Variants in KAZN observed in about 807,000 individuals in gnomAD.
The protein encoded by KAZN is kazrin, periplakin interacting protein, also known as kazrin.
Under a neutral mutation model 87.4 loss-of-function variants are expected in KAZN, and 40 were observed. The observed-to-expected ratio is 0.46, with a 90% CI of 0.36 to 0.60. The LOEUF (loss-of-function observed/expected upper bound fraction) is 0.60. Ranked by LOEUF, KAZN falls within the 20% of genes least tolerant of loss-of-function variation. The probability of loss-of-function intolerance (pLI) is 0.00; values close to 1 mark genes in which losing one functional copy is unlikely to be tolerated. For synonymous variants in KAZN, 466 were observed against 458.3 expected, an observed-to-expected ratio of 1.02 and a Z score of -0.22; for missense variants, 898 against 1,073.9, an observed-to-expected ratio of 0.84 and a Z score of 2.29.
At position 14,141,235 on chromosome 1, in the gene KAZN, T is replaced by TAA. The variant is rs1557509230; in HGVS notation, c.92-39200_92-39199insAA. On this transcript the variant is annotated intron_variant, in intron 1 of 16. Coordinates refer to the KAZN transcript ENST00000636203. ...ATGACACTGTTGAAGTGATTACCAT[T>TAA]TAAAAAAAAAAAAAAAAACAAAACT... Among the ~76,000 whole-genome samples the TAA allele has an allele frequency of 6.0e-5, 2 of 33,140 alleles. 1 individual carries two copies. The highest frequency in any genetic ancestry group is 9.3e-5 in the Non-Finnish European group (2 of 21,616). 21.7% of individuals were successfully genotyped at this position (33,140 alleles called of 152,430 possible).
chr1:14,398,138 T>C (rs1021107387), intron 2 of KAZN, among the ~76,000 whole-genome samples: 6 of 152,184 alleles, frequency 3.9e-5, no homozygotes, highest in Non-Finnish European at 7.3e-5. Context: ...AAAACTAATA[T>C]AGTCATGAGT....
Position 14,917,869 on chromosome 1 carries a change from C to CCTTT in KAZN, c.227-42794_227-42791dup, listed in dbSNP as rs3034788. On this transcript the variant is annotated intron_variant, in intron 1 of 14. Transcript: ENST00000376030. ...TTCTTTCTTCCTTCCTTCCTTCCTT[C>CCTTT]CTTTCTTTCTTTCTTTCTTTCTTTT... Among the ~76,000 whole-genome samples the CCTTT allele has an allele frequency of 6.1e-3, 904 of 147,452 alleles. 5 individuals carry two copies. Among genetic ancestry groups the CCTTT allele is most frequent in the African/African-American group, 8.3e-3 (314 of 37,820 alleles).
At chr1:14,888,432 C>A (rs1415762777) in intron 1 of KAZN, among the ~76,000 whole-genome samples, 1 of 152,204 alleles carries the variant, frequency 6.6e-6, no homozygotes, top group African/African-American at 2.4e-5. Context: ...AGGCTCCAAT[C>A]AGCCCTCTAC....
At chr1:14,378,586 G>A (rs1184432371) in intron 2 of KAZN, among the ~76,000 whole-genome samples, 1 of 152,204 alleles carries the variant, frequency 6.6e-6, no homozygotes, top group African/African-American at 2.4e-5. Context: ...ATGAGAGGGT[G>A]AGTGCAGCAA....
In KAZN at chr1:14,235,055, C is replaced by T. The variant is rs866667980; in HGVS notation, c.249+54463C>T. 9.9e-5 allele frequency among the ~76,000 whole-genome samples: 15 copies of T among 152,174 alleles called. No individual in the cohort carries two copies. The East Asian group carries it at 1.7e-3, about 18-fold the overall frequency. On this transcript the variant is annotated intron_variant, in intron 2 of 16. Transcript: ENST00000636203. The stretch of plus-strand genomic sequence containing the variant: ...ACACATACATATCCCCAAAGAATTG[C>T]GGTGTATATCCGTGTGAAAACTTAT...
chr1:14,112,425 GCCACTGTGGGTTGTCAAC>G lies in KAZN; in HGVS notation c.92-68009_92-67992del, dbSNP rs1644519705. On this transcript the variant is annotated intron_variant, in intron 1 of 16. Coordinates refer to the KAZN transcript ENST00000636203. ...CCTGCATCCCTCCCACTCCTCTTTG[GCCACTGTGGGTTGTCAAC>G]AGTCTTGATTCCAAGAAGTGATGTC... Among the ~76,000 whole-genome samples, 4 of 77,792 alleles carry G rather than the reference GCCACTGTGGGTTGTCAAC, an allele frequency of 5.1e-5. 1 individual carries two copies. Among genetic ancestry groups the G allele is most frequent in the South Asian group, 4.4e-4 (1 of 2,292 alleles). The allele number at this position is 77,792 out of a possible 152,430, so 51.0% of individuals were successfully genotyped here.
chr1:14,499,554 G>T (rs936643330), intron 2 of KAZN, among the ~76,000 whole-genome samples: 1 of 152,152 alleles, frequency 6.6e-6, no homozygotes, highest in Non-Finnish European at 1.5e-5. Flanking sequence ...TCTCATTATC[G>T]ATTGTTCTGC....
intron 1 of KAZN, among the ~76,000 whole-genome samples, chr1:13,942,312 G>A (rs934761771): frequency 2.0e-5 from 3 of 151,404 alleles, no homozygotes; most frequent in Admixed American, 1.3e-4. Context: ...AGGCCGAGGC[G>A]GGTGGATCAT....
chr1:14,653,185 T>C (rs938498155), intron 1 of KAZN, among the ~76,000 whole-genome samples: 2 of 152,162 alleles, frequency 1.3e-5, no homozygotes, highest in Admixed American at 6.5e-5. Context: ...TGTGAAAAAA[T>C]TCTTCTCTGG....
intron 1 of KAZN, among the ~76,000 whole-genome samples, chr1:14,865,623 G>A (rs528137363): frequency 3.3e-5 from 5 of 152,202 alleles, no homozygotes; most frequent in South Asian, 4.2e-4. Flanking sequence ...TCCCTTCTAC[G>A]ACCACCCTCC....
intron 1 of KAZN, among the ~76,000 whole-genome samples, chr1:14,772,870 C>T (rs1299581649): frequency 6.6e-6 from 1 of 152,088 alleles, no homozygotes; most frequent in Non-Finnish European, 1.5e-5. Flanking sequence ...GAGAATTTTC[C>T]CCCAGAATTT....
intron 2 of KAZN, among the ~76,000 whole-genome samples, chr1:14,527,549 C>CAA (rs34649606): frequency 0.028 from 3,065 of 108,774 alleles, 81 homozygotes; most frequent in South Asian, 0.096. Context: ...ACTCTGTCTC[C>CAA]AAAAAAAAAA....
chr1:14,497,141 G>T (rs12031064), intron 2 of KAZN, among the ~76,000 whole-genome samples: 2 of 151,850 alleles, frequency 1.3e-5, no homozygotes, highest in Non-Finnish European at 2.9e-5. Context: ...AAACCCATAC[G>T]CCTTATTCTC....
chr1:14,466,115 C>G (rs1263553725), intron 2 of KAZN, among the ~76,000 whole-genome samples: 1 of 152,098 alleles, frequency 6.6e-6, no homozygotes, highest in Non-Finnish European at 1.5e-5. Context: ...CATGGTGTCA[C>G]CTAACAACAT....
intron 1 of KAZN, among the ~76,000 whole-genome samples, chr1:14,670,941 G>A (rs978404026): frequency 6.6e-6 from 1 of 152,226 alleles, no homozygotes; most frequent in Non-Finnish European, 1.5e-5. Context: ...GGAGGGTGGG[G>A]AAAATTCTAC....
chr1:14,189,468 T>C (rs1006839128), intron 2 of KAZN, among the ~76,000 whole-genome samples: 6 of 152,186 alleles, frequency 3.9e-5, no homozygotes, highest in Admixed American at 1.3e-4. Context: ...CTATACTTCC[T>C]GTAAGTCTAT....
At chr1:14,129,683 T>C (rs1390478074) in intron 1 of KAZN, among the ~76,000 whole-genome samples, 2 of 152,146 alleles carry the variant, frequency 1.3e-5, no homozygotes, top group African/African-American at 4.8e-5. Context: ...GTTACACTTG[T>C]CCATTGTCCA....
rs551288379 is a variant in KAZN, at chr1:14,180,573, A to G, written c.230A>G (p.His77Arg). 4.5e-6 allele frequency: 7 copies of G among 1,549,934 alleles called. No homozygotes were observed. The African/African-American group carries it at 9.6e-5, about 21-fold the overall frequency. Residue 77 changes from histidine to arginine, a missense_variant, in exon 2 of 17, where the codon CAC (histidine) becomes CGC (arginine). By Grantham distance (29) the His-to-Arg change is conservative (BLOSUM62 0). Coordinates refer to the KAZN transcript ENST00000636203. ...AAGAGTTCCATGATATTGATGAGGC[A>G]CCTCTTAATGGATGCTCAGGTACAA...
intron 2 of KAZN, among the ~76,000 whole-genome samples, chr1:14,971,187 C>A (rs185811748): frequency 3.5e-4 from 53 of 152,302 alleles, no homozygotes; most frequent in African/African-American, 1.3e-3. Context: ...ATCATGAGGT[C>A]AGGAGTTTGA....
Sources: gnomAD v4.1 joint callset for allele counts (sites outside exome capture counted in the v4.1 genomes callset) on GRCh38, gnomAD v4.1.1 for gene constraint, MANE v1.5 for transcripts, NCBI Gene and HGNC (gene_info 2026-07-23, HGNC 2026-07-21) for gene names.